Variants in CUX2 observed in about 807,000 individuals in gnomAD.
CUX2 encodes the protein cut like homeobox 2, also known as homeobox protein cut-like 2.
In CUX2, 40 loss-of-function variants were observed where a neutral mutation model predicts 144.8. The ratio of observed to expected loss-of-function variants is 0.28; its 90% CI spans 0.21 to 0.36. The LOEUF (loss-of-function observed/expected upper bound fraction) is 0.36, where lower values mean the gene tolerates loss of function less well. CUX2 is among the 10% of genes least tolerant of loss of function. The pLI is 1.00. For synonymous variants in CUX2, 827 were observed against 875.6 expected (o/e 0.94, Z 0.98); for missense variants, 1,615 against 1,994.0 (o/e 0.81, Z 3.62).
chr12:111,335,992 A>G (rs1404602103), intron 19 of CUX2, among the ~76,000 whole-genome samples: 1 of 151,890 alleles, frequency 6.6e-6, no homozygotes, highest in African/African-American at 2.4e-5. Flanking sequence ...GGCATCCAGG[A>G]CCCTGTGTGA....
At chr12:111,082,359 G>T (rs1026969019) in intron 1 of CUX2, among the ~76,000 whole-genome samples, 6 of 152,194 alleles carry the variant, frequency 3.9e-5, no homozygotes, top group African/African-American at 1.4e-4. Context: ...CAAATAAAAG[G>T]CTGGTGGCCT....
At chr12:111,237,321 A>C (rs975517249) in intron 3 of CUX2, among the ~76,000 whole-genome samples, 9 of 152,124 alleles carry the variant, frequency 5.9e-5, no homozygotes, top group Non-Finnish European at 1.3e-4. Flanking sequence ...CCCTTCTCCC[A>C]GGATGCTTTT....
At position 111,184,106 on chromosome 12, in the gene CUX2, T is replaced by C. The variant is rs114804320; in HGVS notation, c.64-30094T>C. Among the ~76,000 whole-genome samples the C allele has an allele frequency of 4.4e-3, 666 of 152,328 alleles. 3 individuals are homozygous for C. Among genetic ancestry groups the C allele is most frequent in the African/African-American group, 0.015 (618 of 41,572 alleles). On this transcript the variant is annotated intron_variant, in intron 1 of 21. Transcript: ENST00000261726. ...GGGTTGATGGGAGCAGCCATCAATG[T>C]GGTCCCTTTGAGGGGCAAGCTGGCA...
intron 3 of CUX2, among the ~76,000 whole-genome samples, chr12:111,225,013 C>T (rs1882057605): frequency 6.6e-6 from 1 of 152,204 alleles, no homozygotes; most frequent in Admixed American, 6.5e-5. Context: ...TCAAGTGATC[C>T]TCCCACCTCA....
intron 1 of CUX2, among the ~76,000 whole-genome samples, chr12:111,181,736 T>C (rs1253275953): frequency 6.6e-6 from 1 of 152,226 alleles, no homozygotes; most frequent in African/African-American, 2.4e-5. Context: ...GTCTGATTAT[T>C]TTTAGACAAA....
chr12:111,248,403 C>A (rs1439991402), intron 3 of CUX2, among the ~76,000 whole-genome samples: 1 of 152,202 alleles, frequency 6.6e-6, no homozygotes, highest in African/African-American at 2.4e-5. Flanking sequence ...CAGGTTGGAA[C>A]TGAGTCAGAA....
intron 1 of CUX2, among the ~76,000 whole-genome samples, chr12:111,112,752 T>C (rs761186869): frequency 1.3e-5 from 2 of 152,210 alleles, no homozygotes; most frequent in African/African-American, 2.4e-5. Flanking sequence ...AATAAAGAAG[T>C]TCATGTTTTT....
chr12:111,177,720 G>A (rs1406129197), intron 1 of CUX2, among the ~76,000 whole-genome samples: 1 of 152,146 alleles, frequency 6.6e-6, no homozygotes, highest in African/African-American at 2.4e-5. Flanking sequence ...GCGTTCATCT[G>A]AACAGTCAGA....
intron 5 of CUX2, among the ~76,000 whole-genome samples, chr12:111,292,004 C>G (rs903459224): frequency 6.6e-6 from 1 of 152,172 alleles, no homozygotes; most frequent in Non-Finnish European, 1.5e-5. Context: ...CATGGGCGCC[C>G]TCCACAGTAG....
intron 1 of CUX2, among the ~76,000 whole-genome samples, chr12:111,121,532 A>T (rs1456272227): frequency 6.6e-6 from 1 of 151,232 alleles, no homozygotes; most frequent in African/African-American, 2.4e-5. Context: ...TTGTGCCACC[A>T]CACCCAGCTA....
chr12:111,342,151 G>A (rs1000182730), intron 21 of CUX2, 98 bp downstream of exon 21: 1 of 1,386,132 alleles, frequency 7.2e-7, no homozygotes, highest in South Asian at 1.4e-5. Flanking sequence ...TGGCCTCTGG[G>A]AGATGGAAGA....
chr12:111,228,683 C>T (rs1261870129), intron 3 of CUX2, among the ~76,000 whole-genome samples: 3 of 152,068 alleles, frequency 2.0e-5, no homozygotes, highest in Non-Finnish European at 4.4e-5. Flanking sequence ...CTCGGCCTCC[C>T]CAAGTGCTAG....
At chr12:111,050,679 A>G (rs1849408487) in intron 1 of CUX2, among the ~76,000 whole-genome samples, 1 of 151,338 alleles carries the variant, frequency 6.6e-6, no homozygotes, top group African/African-American at 2.4e-5. Context: ...CCCATCTCCT[A>G]CCTCCATCTC....
At chr12:111,209,833 G>A (rs1215876910) in intron 1 of CUX2, among the ~76,000 whole-genome samples, 4 of 152,160 alleles carry the variant, frequency 2.6e-5, no homozygotes, top group African/African-American at 4.8e-5. Context: ...ACATTGGCCC[G>A]AGCCTCAGCT....
At chr12:111,337,325 C>T (rs2136439227) in intron 19 of CUX2, among the ~76,000 whole-genome samples, 1 of 150,556 alleles carries the variant, frequency 6.6e-6, no homozygotes, top group Non-Finnish European at 1.5e-5. Flanking sequence ...TGCACTCCAG[C>T]CTAGGTGATA....
intron 3 of CUX2, among the ~76,000 whole-genome samples, chr12:111,241,390 T>C (rs747135742): frequency 6.6e-6 from 1 of 152,156 alleles, no homozygotes; most frequent in Non-Finnish European, 1.5e-5. Flanking sequence ...GTCCAAACCA[T>C]AGCAGAGCCC....
At chr12:111,221,705 C>T (rs1881868650) in intron 3 of CUX2, among the ~76,000 whole-genome samples, 1 of 152,102 alleles carries the variant, frequency 6.6e-6, no homozygotes, top group Non-Finnish European at 1.5e-5. Context: ...AATTTTGCTT[C>T]ACCAGCCCTG....
At chr12:111,198,743 G>A (rs1880394356) in intron 1 of CUX2, among the ~76,000 whole-genome samples, 1 of 152,252 alleles carries the variant, frequency 6.6e-6, no homozygotes, top group Non-Finnish European at 1.5e-5. Context: ...GCAGCACTGG[G>A]GGGGATGGGG....
chr12:111,057,228 T>C lies in CUX2; in HGVS notation c.63+22988T>C, dbSNP rs530058529. On this transcript the variant is annotated intron_variant, in intron 1 of 21. Transcript: ENST00000261726. This position sits in a 1 kb window ranked among gnomAD's most constrained non-coding sequence, Gnocchi z 5.1. Reference sequence around the variant, plus strand: ...GAAGTGGCCCAGTAGCAAGTAAGTGTGACAAGAAATTGTGTGGGGGAGTCA... The same window carrying C: ...GAAGTGGCCCAGTAGCAAGTAAGTGCGACAAGAAATTGTGTGGGGGAGTCA... Among the ~76,000 whole-genome samples the C allele has an allele frequency of 2.4e-4, 36 of 152,092 alleles. No homozygotes were observed. Among genetic ancestry groups the C allele is most frequent in the Non-Finnish European group, 4.7e-4 (32 of 67,978 alleles).
Sources: allele counts gnomAD v4.1 joint callset (sites outside exome capture counted in the v4.1 genomes callset), GRCh38; gene constraint gnomAD v4.1.1; non-coding constraint Gnocchi (gnomAD v3.1); transcripts MANE v1.5; gene names NCBI Gene and HGNC (gene_info 2026-07-23, HGNC 2026-07-21).